The following LMBR1 variants were observed in gnomAD, a reference collection of about 807,000 sequenced individuals.
LMBR1 encodes limb region 1 protein homolog.
Under a neutral mutation model 73.9 loss-of-function variants are expected in LMBR1, and 52 were observed. The ratio of observed to expected loss-of-function variants is 0.70; its 90% CI spans 0.56 to 0.89. LMBR1 has a LOEUF of 0.89. LMBR1 is among the 40% of genes least tolerant of loss of function. The probability of loss-of-function intolerance (pLI) is 0.00; values close to 1 mark genes in which losing one functional copy is unlikely to be tolerated. For missense variants in LMBR1, 539 were observed against 579.8 expected, an observed-to-expected ratio of 0.93 and a Z score of 0.72; for synonymous variants, 215 against 209.4, an observed-to-expected ratio of 1.03 and a Z score of -0.23.
chr7:156,695,425 A>G (rs1356971510), intron 15 of LMBR1, among the ~76,000 whole-genome samples: 1 of 152,206 alleles, frequency 6.6e-6, no homozygotes, highest in Non-Finnish European at 1.5e-5. Flanking sequence ...GCTGTAGAGG[A>G]AGCATGATAC....
At chr7:156,843,208 T>C (rs1384809267) in intron 1 of LMBR1, among the ~76,000 whole-genome samples, 1 of 152,164 alleles carries the variant, frequency 6.6e-6, no homozygotes, top group Non-Finnish European at 1.5e-5. Context: ...CATCTATTCT[T>C]ACTCCACAAG....
At chr7:156,885,370 A>G (rs1801721208) in intron 1 of LMBR1, among the ~76,000 whole-genome samples, 1 of 150,474 alleles carries the variant, frequency 6.6e-6, no homozygotes, top group Non-Finnish European at 1.5e-5. Context: ...AAAAAAAAAA[A>G]GTCCCAGTCA....
At chr7:156,723,567 T>G (rs1815074434) in intron 15 of LMBR1, among the ~76,000 whole-genome samples, 1 of 152,132 alleles carries the variant, frequency 6.6e-6, no homozygotes, top group Non-Finnish European at 1.5e-5. Context: ...TTTAAAAGAT[T>G]ATCAAATTCT....
intron 9 of LMBR1, among the ~76,000 whole-genome samples, chr7:156,740,966 C>T (rs1180437360): frequency 9.9e-5 from 15 of 152,122 alleles, no homozygotes. Context: ...ATAGACAGTA[C>T]AGTAAGACAT....
chr7:156,764,997 A>C (rs1823818770), intron 5 of LMBR1, among the ~76,000 whole-genome samples: 1 of 152,238 alleles, frequency 6.6e-6, no homozygotes, highest in Non-Finnish European at 1.5e-5. Flanking sequence ...TTAAGTGTTC[A>C]TAGCATGGGA....
intron 4 of LMBR1, among the ~76,000 whole-genome samples, chr7:156,803,706 T>C (rs7457817): frequency 0.47 from 70,740 of 151,140 alleles, 16,819 homozygotes; most frequent in East Asian, 0.6. Flanking sequence ...ATGTTTATTG[T>C]GGCACTATTC....
At chr7:156,745,790 AAG>A (rs1220374046) in intron 9 of LMBR1, among the ~76,000 whole-genome samples, 1 of 152,216 alleles carries the variant, frequency 6.6e-6, no homozygotes, top group Admixed American at 6.5e-5. Flanking sequence ...CCCATCACTG[AAG>A]AGACAGCAAT....
rs1325463763 is a variant in LMBR1, at chr7:156,893,107, G to T, written c.-114C>A. On this transcript the variant is annotated 5_prime_UTR_variant, in exon 1 of 17. Transcript: ENST00000353442. ...CGGGGACCGGAGCCGGCACGGGCCC[G>T]CGAGCCGTGTTGGAACAGGTACCGC... 5 of 1,110,860 alleles carry T rather than the reference G, an allele frequency of 4.5e-6. No individual in the cohort carries two copies. The highest frequency in any genetic ancestry group is 5.8e-6 in the Non-Finnish European group (5 of 858,142). The allele number at this position is 1,110,860 out of a possible 1,614,324, so 68.8% of individuals were successfully genotyped here.
At position 156,791,589 on chromosome 7, in the gene LMBR1, G is replaced by A. The variant is rs1395284300; in HGVS notation, c.423+4800C>T. Among the ~76,000 whole-genome samples the A allele has an allele frequency of 6.6e-6, 1 of 152,192 alleles. No individual in the cohort carries two copies. ...ATCTTTGTTCCTCCTCTATTGTGCT[G>A]TCATGTTGCTCAGCTTTATAGACAT... On this transcript the variant is annotated intron_variant, in intron 5 of 16. Transcript: ENST00000353442.
intron 15 of LMBR1, among the ~76,000 whole-genome samples, chr7:156,697,673 G>A (rs967717775): frequency 3.3e-5 from 5 of 152,038 alleles, no homozygotes; most frequent in Admixed American, 6.6e-5. Context: ...CTTTCTGCCC[G>A]ACCCCGCAGG....
At chr7:156,705,437 T>TA (rs373678873) in intron 15 of LMBR1, among the ~76,000 whole-genome samples, 95 of 152,288 alleles carry the variant, frequency 6.2e-4, no homozygotes, top group African/African-American at 2.1e-3. Context: ...CATGTGCCTG[T>TA]AGTCCCAGCT....
intron 3 of LMBR1, among the ~76,000 whole-genome samples, chr7:156,831,973 TGTGAGGTGA>T (rs1836778764): frequency 6.6e-6 from 1 of 152,208 alleles, no homozygotes; most frequent in African/African-American, 2.4e-5. Context: ...TTGTAGCTTT[TGTGAGGTGA>T]GTGAAGTGAA....
chr7:156,790,397 C>T (rs1828993310), intron 5 of LMBR1, among the ~76,000 whole-genome samples: 1 of 151,992 alleles, frequency 6.6e-6, no homozygotes, highest in Non-Finnish European at 1.5e-5. Context: ...AATGTGGACA[C>T]AATGAAATAT....
intron 1 of LMBR1, 61 bp downstream of exon 1, chr7:156,892,867 C>A: frequency 7.9e-7 from 1 of 1,269,970 alleles, no homozygotes; most frequent in Non-Finnish European, 1.0e-6. Flanking sequence ...GGCCCGGGGG[C>A]GGGGACGGAG....
intron 5 of LMBR1, among the ~76,000 whole-genome samples, chr7:156,783,315 G>A (rs1202733686): frequency 6.6e-6 from 1 of 151,938 alleles, no homozygotes; most frequent in Non-Finnish European, 1.5e-5. Flanking sequence ...GGGACTACAG[G>A]CATGCACCAA....
intron 9 of LMBR1, chr7:156,736,664 C>G (rs1216685651): frequency 2.2e-6 from 1 of 449,214 alleles, no homozygotes; most frequent in Admixed American, 2.4e-5. Flanking sequence ...CTCTTCACTC[C>G]TCCCTTTCTC....
At chr7:156,766,890 T>C (rs1465479480) in intron 5 of LMBR1, among the ~76,000 whole-genome samples, 1 of 152,148 alleles carries the variant, frequency 6.6e-6, no homozygotes, top group Non-Finnish European at 1.5e-5. Context: ...AAAGGTCCTG[T>C]GGGTACAGCT....
Position 156,892,801 on chromosome 7 carries a change from A to C in LMBR1, c.66+127T>G. On this transcript the variant is annotated intron_variant, in intron 1 of 16. Coordinates refer to ENST00000353442, the MANE Select transcript of LMBR1 (RefSeq NM_022458.4). Reference sequence around the variant, plus strand: ...GAGGGGTGGGGAGGGAGAGCGGCAGAGGCCGGGGCGGGAGGCGCGAGGCGA... The same window carrying C: ...GAGGGGTGGGGAGGGAGAGCGGCAGCGGCCGGGGCGGGAGGCGCGAGGCGA... The C allele has an allele frequency of 7.8e-6, 3 of 386,912 alleles. No individual in the cohort carries two copies. The South Asian group carries it at 1.3e-4, about 16-fold the overall frequency. 24.0% of individuals were successfully genotyped at this position (386,912 alleles called of 1,614,324 possible). A position where few individuals can be genotyped will look rare whatever the true frequency, so the allele number is the denominator to read the frequency against.
chr7:156,672,376 G>C (rs929049099), intron 4 of LMBR1, among the ~76,000 whole-genome samples: 1 of 152,132 alleles, frequency 6.6e-6, no homozygotes, highest in African/African-American at 2.4e-5. Context: ...ACTAATAAAG[G>C]AGATAGGACC....
Sources: gnomAD v4.1 joint callset for allele counts (sites outside exome capture counted in the v4.1 genomes callset) on GRCh38, gnomAD v4.1.1 for gene constraint, MANE v1.5 for transcripts, NCBI Gene and HGNC (gene_info 2026-07-23, HGNC 2026-07-21) for gene names.